The following KIF26A variants were observed in gnomAD, a reference collection of about 807,000 sequenced individuals.
The protein encoded by KIF26A is kinesin-like protein KIF26A.
KIF26A carries 74 observed loss-of-function variants against 126.0 expected under a neutral mutation model. The ratio of observed to expected loss-of-function variants is 0.59; its 90% confidence interval spans 0.49 to 0.71. The LOEUF (loss-of-function observed/expected upper bound fraction) is 0.71. Among genes scored for constraint, KIF26A ranks in the 30% least tolerant of loss-of-function variants. The pLI is 0.00. For missense variants in KIF26A, 2,984 were observed against 2,763.3 expected (o/e 1.08, Z -1.79); for synonymous variants, 1,445 against 1,232.7 (o/e 1.17, Z -3.61).
At chr14:104,174,468 G>A (rs370428993) in intron 11 of KIF26A, among the ~76,000 whole-genome samples, 158 bp downstream of exon 11, 2 of 152,292 alleles carry the variant, frequency 1.3e-5, no homozygotes, top group East Asian at 3.9e-4. Context: ...TGCCCATGTG[G>A]CCCTCCCTGG....
At chr14:104,173,677 A>C in intron 9 of KIF26A, 29 bp from the exon 10 acceptor site, 1 of 1,607,880 alleles carries the variant, frequency 6.2e-7, no homozygotes, top group Non-Finnish European at 8.5e-7. Flanking sequence ...CCCTGGCTAC[A>C]CCATCATTTG....
rs781282857 is a variant in KIF26A at position 104,173,132 on chromosome 14, C to A, written c.1576C>A (p.Arg526Ser). The change falls in exon 8 of 15, where the codon CGC becomes AGC. Residue 526 changes from arginine (R) to serine (S), a missense_variant. Physicochemically the swap from Arg to Ser is moderately radical, Grantham distance 110. Coordinates refer to ENST00000423312, the MANE Select transcript of KIF26A (RefSeq NM_015656.2). ...GGTCTCAGCCGTGGAGGTGTGCGGG[C>A]GCGACCAGAGCCTGCGGGACCTGCT... is the stretch of plus-strand genomic sequence containing the variant. ...VRVSAVEVCG[R>S]DQSLRDLLAE... The A allele has an allele frequency of 3.7e-6, 6 of 1,608,666 alleles. No homozygotes were observed. Among genetic ancestry groups the A allele is most frequent in the Non-Finnish European group, 3.4e-6 (4 of 1,178,472 alleles).
rs746685324 is a variant in KIF26A at position 104,176,849 on chromosome 14, C to G, written c.4061C>G (p.Pro1354Arg). Reference sequence around the variant, plus strand: ...CTGGCTCCCAAGGCGGGCTTCCTCCCGAGGCCCAGTGGGGCGGCCCCCCCG... The same window carrying G: ...CTGGCTCCCAAGGCGGGCTTCCTCCGGAGGCCCAGTGGGGCGGCCCCCCCG... ...KGLAPKAGFL[P>R]RPSGAAPPAP... Residue 1354 changes from proline (P) to arginine (R), a missense_variant, in exon 12 of 15, where the codon CCG (proline) becomes CGG (arginine). Physicochemically the swap from Pro to Arg is moderately radical, Grantham distance 103. Transcript: ENST00000423312. The G allele has an allele frequency of 1.9e-5, 29 of 1,545,224 alleles. No homozygotes were observed. The highest frequency in any genetic ancestry group is 2.5e-5 in the Non-Finnish European group (29 of 1,145,848).
intron 2 of KIF26A, among the ~76,000 whole-genome samples, chr14:104,143,382 G>A (rs548189542): frequency 3.9e-5 from 6 of 152,324 alleles, no homozygotes; most frequent in Middle Eastern, 3.4e-3. Flanking sequence ...GTGGCTTGGC[G>A]AGTCCTGTTT....
At chr14:104,165,021 C>T (rs1307138827) in intron 4 of KIF26A, among the ~76,000 whole-genome samples, 1 of 149,666 alleles carries the variant, frequency 6.7e-6, no homozygotes, top group African/African-American at 2.5e-5. Flanking sequence ...CTGGGTGTGC[C>T]TCTGTGTGTG....
Position 104,148,015 on chromosome 14 carries a change from C to T in KIF26A, c.289-4000C>T, listed in dbSNP as rs965692077. ...TCTGAACTGGGAGCAGGACTCCCCT[C>T]GCTGTCCCAGGGTGGCCTTACCTGG... On this transcript the variant is annotated intron_variant, in intron 2 of 14. Coordinates refer to ENST00000423312, the MANE Select transcript of KIF26A (RefSeq NM_015656.2). This position sits in a 1 kb window ranked among gnomAD's most constrained non-coding sequence, Gnocchi z 4.3. Among the ~76,000 whole-genome samples the T allele has an allele frequency of 7.2e-5, 11 of 152,144 alleles. No individual in the cohort carries two copies. Among genetic ancestry groups the T allele is most frequent in the African/African-American group, 2.7e-4 (11 of 41,426 alleles).
At chr14:104,156,939 C>T (rs937581932) in intron 3 of KIF26A, among the ~76,000 whole-genome samples, 4 of 152,110 alleles carry the variant, frequency 2.6e-5, no homozygotes, top group African/African-American at 7.2e-5. Flanking sequence ...GACCAGGCCA[C>T]GGTGCCCAAG....
At chr14:104,171,519 G>A (rs910123973) in intron 5 of KIF26A, among the ~76,000 whole-genome samples, 1 of 152,190 alleles carries the variant, frequency 6.6e-6, no homozygotes, top group East Asian at 1.9e-4. Context: ...CCTCTCCCTG[G>A]CCCTCACCTT....
chr14:104,176,620 G>A lies in KIF26A; in HGVS notation c.3832G>A (p.Ala1278Thr). ...PRLPEAQVML[A>T]CAQRVVDGCE... Reference sequence around the variant, plus strand: ...GCTGCCTGAGGCCCAGGTGATGCTAGCCTGTGCCCAGAGAGTGGTGGACGG... The same window carrying A: ...GCTGCCTGAGGCCCAGGTGATGCTAACCTGTGCCCAGAGAGTGGTGGACGG... Residue 1278 changes from alanine to threonine, a missense_variant, in exon 12 of 15, where the codon GCC becomes ACC. Ala to Thr is a moderately conservative substitution (Grantham distance 58). Transcript: ENST00000423312. 2 of 1,608,654 alleles carry A rather than the reference G, an allele frequency of 1.2e-6. No homozygotes were observed. Among genetic ancestry groups the A allele is most frequent in the Non-Finnish European group, 1.7e-6 (2 of 1,178,980 alleles).
intron 7 of KIF26A, 124 bp downstream of exon 7, chr14:104,172,792 A>T (rs2037972847): frequency 3.7e-6 from 4 of 1,068,066 alleles, no homozygotes; most frequent in Non-Finnish European, 5.4e-6. Context: ...CGTGGTGGGC[A>T]TATGGGGTGA....
At position 104,176,023 on chromosome 14, in the gene KIF26A, A is replaced by G. The variant is rs1360726420; in HGVS notation, c.3235A>G (p.Ile1079Val). 3 of 1,593,186 alleles carry G rather than the reference A, an allele frequency of 1.9e-6. No individual in the cohort carries two copies. The highest frequency in any genetic ancestry group is 2.7e-5 in the African/African-American group (2 of 74,710). ...CCGGCCAGTCAGCATCATCAGCAGCATCAATGATGAGTTTGACGCCTACAC... is the reference window on the plus strand; with the variant it reads ...CCGGCCAGTCAGCATCATCAGCAGCGTCAATGATGAGTTTGACGCCTACAC... ...GSRPVSIISS[I>V]NDEFDAYTSQ... The change falls in exon 12 of 15, where the codon ATC becomes GTC. Residue 1079 changes from isoleucine to valine, a missense_variant. Coordinates refer to ENST00000423312, the MANE Select transcript of KIF26A (RefSeq NM_015656.2).
Position 104,179,838 on chromosome 14 carries a change from G to T in KIF26A, c.*48G>T, listed in dbSNP as rs376384640. The T allele has an allele frequency of 6.8e-7, 1 of 1,466,834 alleles. No individual in the cohort carries two copies. Among genetic ancestry groups the T allele is most frequent in the South Asian group, 1.4e-5 (1 of 73,346 alleles). 90.9% of individuals were successfully genotyped at this position (1,466,834 alleles called of 1,614,324 possible). On this transcript the variant is annotated 3_prime_UTR_variant, in exon 15 of 15. Coordinates refer to ENST00000423312, the MANE Select transcript of KIF26A (RefSeq NM_015656.2). ...GGGGGCGTGCAGCGGGCTGGAGGAC[G>T]GGACGTGGGACGGAGCGAGGATGTG...
chr14:104,175,633 C>T lies in KIF26A; in HGVS notation c.2845C>T (p.Pro949Ser), dbSNP rs746572271. Reference sequence around the variant, plus strand: ...AGTGAGTGGAGGCAGGAGGCCACTGCCCAGCCCGGCTCCCCCACCTCCTCA... The same window carrying T: ...AGTGAGTGGAGGCAGGAGGCCACTGTCCAGCCCGGCTCCCCCACCTCCTCA... ...AAVSGGRRPL[P>S]SPAPPPPQLL... The change falls in exon 12 of 15, where the codon CCC becomes TCC. Residue 949 changes from proline (P) to serine (S), a missense_variant. By Grantham distance (74) the Pro-to-Ser change is moderately conservative (BLOSUM62 -1). Coordinates refer to ENST00000423312, the MANE Select transcript of KIF26A (RefSeq NM_015656.2). 1.2e-6 allele frequency: 2 copies of T among 1,610,700 alleles called. No individual in the cohort carries two copies. Among genetic ancestry groups the T allele is most frequent in the Middle Eastern group, 1.7e-4 (1 of 5,762 alleles).
chr14:104,175,448 G>A lies in KIF26A; in HGVS notation c.2660G>A (p.Arg887Lys). The A allele has an allele frequency of 6.3e-7, 1 of 1,591,930 alleles. No individual in the cohort carries two copies. Among genetic ancestry groups the A allele is most frequent in the Non-Finnish European group, 8.5e-7 (1 of 1,176,226 alleles). ...KPSPPEAASP[R>K]KAVGTPMAAS... Reference sequence around the variant, plus strand: ...TCGCCACCAGAGGCTGCATCCCCCAGGAAGGCCGTGGGCACCCCGATGGCT... The same window carrying A: ...TCGCCACCAGAGGCTGCATCCCCCAAGAAGGCCGTGGGCACCCCGATGGCT... Residue 887 changes from arginine (R) to lysine (K), a missense_variant, in exon 12 of 15, where the codon AGG becomes AAG. By Grantham distance (26) the Arg-to-Lys change is conservative (BLOSUM62 2). Transcript: ENST00000423312.
Position 104,176,206 on chromosome 14 carries a change from G to T in KIF26A, c.3418G>T (p.Gly1140Trp). ...CCGCTTCAGCCCCGACTCGCTGGCA[G>T]GGCTTGACCCTGGGGGCCCCCCTGC... Reference protein sequence around the residue: ...QPRFSPDSLAGLDPGGPPALD... With the variant: ...QPRFSPDSLAWLDPGGPPALD... The change falls in exon 12 of 15, where the codon GGG (glycine) becomes TGG (tryptophan). Residue 1140 changes from glycine to tryptophan, a missense_variant. Coordinates refer to ENST00000423312, the MANE Select transcript of KIF26A (RefSeq NM_015656.2). 6.2e-7 allele frequency: 1 copy of T among 1,601,856 alleles called. No individual in the cohort carries two copies. The highest frequency in any genetic ancestry group is 2.3e-5 in the East Asian group (1 of 44,390).
At position 104,179,194 on chromosome 14, in the gene KIF26A, A is replaced by G; in HGVS notation, c.5317-42A>G. The G allele has an allele frequency of 2.1e-6, 3 of 1,418,000 alleles. No individual in the cohort carries two copies. In the African/African-American group the frequency reaches 4.4e-5, roughly 21 times the overall value. 87.8% of individuals were successfully genotyped at this position (1,418,000 alleles called of 1,614,324 possible). On this transcript the variant is annotated intron_variant, in intron 13 of 14. Coordinates refer to ENST00000423312, the MANE Select transcript of KIF26A (RefSeq NM_015656.2). Reference sequence around the variant, plus strand: ...CAGGGCTGCTTGGGGGTCTCTGGGGAGAGGGTCCCATGCCTGAGCCCCCGC... The same window carrying G: ...CAGGGCTGCTTGGGGGTCTCTGGGGGGAGGGTCCCATGCCTGAGCCCCCGC...
Position 104,176,484 on chromosome 14 carries a change from A to C in KIF26A, c.3696A>C (p.Pro1232=). The C allele has an allele frequency of 1.9e-6, 3 of 1,606,376 alleles. No homozygotes were observed. The highest frequency in any genetic ancestry group is 1.7e-6 in the Non-Finnish European group (2 of 1,179,562). ...RVGCARLGQS[P]PGRGGLFEDP... ...GCTGTGCTCGCCTGGGCCAGAGCCCACCTGGCCGTGGAGGCCTGTTTGAGG... is the reference window on the plus strand; with the variant it reads ...GCTGTGCTCGCCTGGGCCAGAGCCCCCCTGGCCGTGGAGGCCTGTTTGAGG... Residue 1232 remains proline, a synonymous_variant, in exon 12 of 15, where the codon CCA becomes CCC. Coordinates refer to ENST00000423312, the MANE Select transcript of KIF26A (RefSeq NM_015656.2).
chr14:104,177,953 G>A (rs2038053780), intron 12 of KIF26A, 55 bp downstream of exon 12: 1 of 1,428,322 alleles, frequency 7.0e-7, no homozygotes, highest in African/African-American at 1.5e-5. Flanking sequence ...GTGTGTAGAT[G>A]TGCACAGCCC....
rs531648547 is a variant in KIF26A, at chr14:104,173,066, G to C, written c.1510G>C (p.Glu504Gln). 2 of 1,605,480 alleles carry C rather than the reference G, an allele frequency of 1.2e-6. No individual in the cohort carries two copies. Among genetic ancestry groups the C allele is most frequent in the African/African-American group, 1.3e-5 (1 of 74,906 alleles). ...CATCTCCTGGCTCTTCAGGCTCATC[G>C]AGGAGCGCAGGGAGAGGACGGGCAC... ...CAISWLFRLI[E>Q]ERRERTGTRF... is the part of the protein sequence containing the mutation. The change falls in exon 8 of 15, where the codon GAG (glutamate) becomes CAG (glutamine). Residue 504 changes from glutamate to glutamine, a missense_variant. Physicochemically the swap from Glu to Gln is conservative, Grantham distance 29. Transcript: ENST00000423312.
Sources: allele counts gnomAD v4.1 joint callset (sites outside exome capture counted in the v4.1 genomes callset), GRCh38; gene constraint gnomAD v4.1.1; non-coding constraint Gnocchi (gnomAD v3.1); transcripts MANE v1.5; gene names NCBI Gene and HGNC (gene_info 2026-07-23, HGNC 2026-07-21).